ARHGAP28: variants seen among roughly 807,000 people sequenced by gnomAD.
ARHGAP28 encodes the protein Rho GTPase activating protein 28, also known as rho GTPase-activating protein 28.
Under a neutral mutation model 90.7 loss-of-function variants are expected in ARHGAP28, and 56 were observed. That is an observed-to-expected ratio of 0.62 (90% CI 0.50 to 0.77). The LOEUF (loss-of-function observed/expected upper bound fraction) is 0.77. Among genes scored for constraint, ARHGAP28 ranks in the 30% least tolerant of loss-of-function variants. ARHGAP28 has a pLI of 0.00. For synonymous variants in ARHGAP28, 308 were observed against 323.3 expected (o/e 0.95, Z 0.51); for missense variants, 869 against 900.9 (o/e 0.96, Z 0.45).
chr18:6,731,199 G>C (rs1289441753), intron 1 of ARHGAP28, among the ~76,000 whole-genome samples: 1 of 152,084 alleles, frequency 6.6e-6, no homozygotes, highest in Non-Finnish European at 1.5e-5. Context: ...ATATAAACTG[G>C]CATTTGTCTT....
At chr18:6,848,638 C>T (rs2056884724) in intron 3 of ARHGAP28, among the ~76,000 whole-genome samples, 1 of 152,170 alleles carries the variant, frequency 6.6e-6, no homozygotes, top group South Asian at 2.1e-4. Context: ...TTTACATCGG[C>T]CAAAGGGGAA....
At chr18:6,812,711 T>C (rs778966415) in intron 1 of ARHGAP28, among the ~76,000 whole-genome samples, 1 of 152,242 alleles carries the variant, frequency 6.6e-6, no homozygotes, top group African/African-American at 2.4e-5. Flanking sequence ...GAGATACTGA[T>C]GACAAGAACC....
intron 10 of ARHGAP28, among the ~76,000 whole-genome samples, chr18:6,878,177 G>A (rs1011054308): frequency 2.6e-5 from 4 of 151,980 alleles, no homozygotes; most frequent in African/African-American, 2.4e-5. Context: ...AAAAAATGAT[G>A]AGTTCATGTC....
intron 14 of ARHGAP28, among the ~76,000 whole-genome samples, chr18:6,892,602 G>A (rs62082854): frequency 0.24 from 37,096 of 152,018 alleles, 4,622 homozygotes; most frequent in Middle Eastern, 0.27. Flanking sequence ...GTATTATAAT[G>A]TAGCAACTTT....
intron 1 of ARHGAP28, among the ~76,000 whole-genome samples, chr18:6,782,498 A>G (rs1248969331): frequency 1.3e-5 from 2 of 150,220 alleles, no homozygotes; most frequent in African/African-American, 4.9e-5. Context: ...GCTCACTGCA[A>G]CCTCTGCCTC....
At chr18:6,787,636 C>T (rs2056376148) in intron 1 of ARHGAP28, among the ~76,000 whole-genome samples, 1 of 152,164 alleles carries the variant, frequency 6.6e-6, no homozygotes, top group South Asian at 2.1e-4. Context: ...CTGTGATGTG[C>T]AGGCAAAGCA....
At chr18:6,868,378 T>G in intron 6 of ARHGAP28, 144 bp downstream of exon 6, 1 of 668,208 alleles carries the variant, frequency 1.5e-6, no homozygotes, top group Non-Finnish European at 2.6e-6. Context: ...CATCGCTCAC[T>G]CCTTCCACCC....
intron 11 of ARHGAP28, 44 bp downstream of exon 11, chr18:6,882,343 C>A: frequency 6.4e-7 from 1 of 1,553,368 alleles, no homozygotes; most frequent in Non-Finnish European, 8.7e-7. Flanking sequence ...GATATAAGGT[C>A]AATAAAGTGA....
At position 6,870,862 on chromosome 18, in the gene ARHGAP28, G is replaced by A. The variant is rs530706882; in HGVS notation, c.954+130G>A. The A allele has an allele frequency of 3.0e-4, 276 of 920,312 alleles. 1 individual carries two copies. The highest frequency in any genetic ancestry group is 2.1e-3 in the African/African-American group (124 of 58,364). 57.0% of individuals were successfully genotyped at this position (920,312 alleles called of 1,614,324 possible). A position where few individuals can be genotyped will look rare whatever the true frequency, so the allele number is the denominator to read the frequency against. On this transcript the variant is annotated intron_variant, in intron 7 of 17. Coordinates refer to ENST00000383472, the MANE Select transcript of ARHGAP28 (RefSeq NM_001366230.1). The stretch of plus-strand genomic sequence containing the variant: ...TTGCCCCAGGCTGGAGTGCAGTGGC[G>A]CGATCTCGGCTCACTGCAAGCTCTG...
chr18:6,785,344 C>A, intron 1 of ARHGAP28, among the ~76,000 whole-genome samples: 1 of 152,124 alleles, frequency 6.6e-6, no homozygotes, highest in East Asian at 1.9e-4. Flanking sequence ...TTCAAGAGGA[C>A]CAGGTGTGTC....
intron 6 of ARHGAP28, among the ~76,000 whole-genome samples, chr18:6,869,893 A>G (rs1466391307): frequency 6.6e-6 from 1 of 152,204 alleles, no homozygotes; most frequent in African/African-American, 2.4e-5. Context: ...CGCTCAAATG[A>G]TTTATGGATT....
chr18:6,815,312 C>G (rs1425327510), intron 1 of ARHGAP28, among the ~76,000 whole-genome samples: 1 of 152,186 alleles, frequency 6.6e-6, no homozygotes, highest in Non-Finnish European at 1.5e-5. Flanking sequence ...CAACCAGTAA[C>G]CTTTCATAGA....
intron 16 of ARHGAP28, among the ~76,000 whole-genome samples, chr18:6,899,017 A>G (rs982136687): frequency 1.8e-4 from 27 of 152,300 alleles, no homozygotes; most frequent in African/African-American, 6.5e-4. Flanking sequence ...ACCTGTTCCC[A>G]AAAAACCTAT....
At chr18:6,903,663 T>G (rs921011476) in intron 16 of ARHGAP28, among the ~76,000 whole-genome samples, 5 of 151,766 alleles carry the variant, frequency 3.3e-5, no homozygotes, top group African/African-American at 1.2e-4. Context: ...AAATGCCGTC[T>G]CTACTAAAAA....
At chr18:6,887,732 T>G (rs1228468421) in intron 12 of ARHGAP28, among the ~76,000 whole-genome samples, 2 of 152,216 alleles carry the variant, frequency 1.3e-5, no homozygotes, top group Non-Finnish European at 2.9e-5. Context: ...CGGTATGTTC[T>G]TAAACATTTA....
At chr18:6,870,141 G>A (rs766732997) in intron 6 of ARHGAP28, among the ~76,000 whole-genome samples, 3 of 152,180 alleles carry the variant, frequency 2.0e-5, no homozygotes, top group Non-Finnish European at 2.9e-5. Context: ...GGTGAGGGAA[G>A]AAACAACAGG....
intron 11 of ARHGAP28, among the ~76,000 whole-genome samples, chr18:6,882,684 T>C (rs2143649045): frequency 6.6e-6 from 1 of 152,320 alleles, no homozygotes; most frequent in African/African-American, 2.4e-5. Flanking sequence ...GAGCCTGGTG[T>C]GTGATAATGC....
At chr18:6,844,987 T>C (rs2056855629) in intron 3 of ARHGAP28, among the ~76,000 whole-genome samples, 1 of 152,234 alleles carries the variant, frequency 6.6e-6, no homozygotes, top group South Asian at 2.1e-4. Context: ...TTTGTTCTCT[T>C]GGATGAGCTT....
At chr18:6,890,925 A>G (rs868363937) in intron 14 of ARHGAP28, among the ~76,000 whole-genome samples, 2 of 151,882 alleles carry the variant, frequency 1.3e-5, no homozygotes, top group Admixed American at 6.5e-5. Context: ...TTGATTGGTT[A>G]GTAAAGGAAT....
Sources: gnomAD v4.1 joint callset for allele counts (sites outside exome capture counted in the v4.1 genomes callset) on GRCh38, gnomAD v4.1.1 for gene constraint, MANE v1.5 for transcripts, NCBI Gene and HGNC (gene_info 2026-07-23, HGNC 2026-07-21) for gene names.